COL27A1: variants seen among roughly 807,000 people sequenced by gnomAD.
COL27A1 encodes collagen type XXVII alpha 1 chain, also known as collagen alpha-1(XXVII) chain.
In COL27A1, 106 loss-of-function variants were observed where a neutral mutation model predicts 251.3. The observed-to-expected ratio is 0.42, with a 90% CI of 0.36 to 0.50. The LOEUF (loss-of-function observed/expected upper bound fraction) is 0.50, where lower values mean the gene tolerates loss of function less well. COL27A1 is among the 20% of genes least tolerant of loss of function. The probability of loss-of-function intolerance (pLI) is 0.00; values close to 1 mark genes in which losing one functional copy is unlikely to be tolerated. For synonymous variants in COL27A1, 1,000 were observed against 986.3 expected, an observed-to-expected ratio of 1.01 and a Z score of -0.26; for missense variants, 2,325 against 2,522.8, an observed-to-expected ratio of 0.92 and a Z score of 1.68.
chr9:114,278,892 G>A (rs142362641), intron 37 of COL27A1, among the ~76,000 whole-genome samples: 2 of 152,098 alleles, frequency 1.3e-5, no homozygotes, highest in African/African-American at 2.4e-5. Context: ...ATGAGCCATC[G>A]GGGCCTTTCC....
At chr9:114,304,923 G>A (rs934523904) in intron 57 of COL27A1, among the ~76,000 whole-genome samples, 4 of 152,204 alleles carry the variant, frequency 2.6e-5, no homozygotes, top group Admixed American at 6.5e-5. Context: ...AGCTTTCTCC[G>A]GAGGCCTCTC....
chr9:114,217,015 T>A (rs1216679303), intron 12 of COL27A1, among the ~76,000 whole-genome samples: 1 of 152,204 alleles, frequency 6.6e-6, no homozygotes, highest in Non-Finnish European at 1.5e-5. Context: ...CAGGGCTGTG[T>A]GACTTTGGAA....
At chr9:114,302,060 G>T (rs373982721) in intron 55 of COL27A1, 22 bp from the exon 56 acceptor site, 5 of 1,609,206 alleles carry the variant, frequency 3.1e-6, no homozygotes. Context: ...TCATTTGACT[G>T]ACCCGCAGTC....
intron 1 of COL27A1, among the ~76,000 whole-genome samples, chr9:114,156,902 T>A (rs1848156832): frequency 6.6e-6 from 1 of 152,042 alleles, no homozygotes; most frequent in Non-Finnish European, 1.5e-5. Flanking sequence ...GGCGCTCCTC[T>A]CTTTCCATCC....
chr9:114,270,710 C>T lies in COL27A1; in HGVS notation c.3556-18C>T. 6.2e-7 allele frequency: 1 copy of T among 1,602,912 alleles called. No individual in the cohort carries two copies. Among genetic ancestry groups the T allele is most frequent in the Non-Finnish European group, 8.5e-7 (1 of 1,171,304 alleles). On this transcript the variant is annotated intron_variant, in intron 35 of 60. Transcript: ENST00000356083. The stretch of plus-strand genomic sequence containing the variant: ...TCCCCAGTAACATCTCCTCCTCTTT[C>T]TCCATCACCTTTTCCAGGGAGAGCC...
At chr9:114,174,097 C>T (rs1386430627) in intron 3 of COL27A1, among the ~76,000 whole-genome samples, 1 of 152,060 alleles carries the variant, frequency 6.6e-6, no homozygotes, top group African/African-American at 2.4e-5. Context: ...CCTGCCTCAG[C>T]CTCCTAAGTA....
intron 28 of COL27A1, among the ~76,000 whole-genome samples, chr9:114,263,703 G>A (rs1022134423): frequency 6.6e-6 from 1 of 152,128 alleles, no homozygotes. Context: ...AGCAATCAGG[G>A]ACCAAGACTC....
chr9:114,265,297 C>T (rs1474405857), intron 31 of COL27A1, 125 bp from the exon 32 acceptor site: 2 of 1,152,108 alleles, frequency 1.7e-6, no homozygotes, highest in Non-Finnish European at 2.5e-6. Flanking sequence ...TGGGTCTCAG[C>T]CTTCCCATCT....
At chr9:114,265,327 G>A (rs758590963) in intron 31 of COL27A1, 95 bp from the exon 32 acceptor site, 668 of 1,334,368 alleles carry the variant, frequency 5.0e-4, no homozygotes, top group Non-Finnish European at 6.5e-4. Context: ...TGTGGGAGGA[G>A]GGGACCCAAA....
At position 114,258,525 on chromosome 9, in the gene COL27A1, T is replaced by C. The variant is rs372385762; in HGVS notation, c.3142-16T>C. On this transcript the variant is annotated splice_polypyrimidine_tract_variant and intron_variant, in intron 27 of 60. Coordinates refer to ENST00000356083, the MANE Select transcript of COL27A1 (RefSeq NM_032888.4). ...CCTAAAAAGGGGCCTCTCCAAACTCTTTCTCCTCTTCCCAGGGTCCTCCAG... is the reference window on the plus strand; with the variant it reads ...CCTAAAAAGGGGCCTCTCCAAACTCCTTCTCCTCTTCCCAGGGTCCTCCAG... 1.7e-4 allele frequency: 269 copies of C among 1,612,200 alleles called. 2 individuals are homozygous for C. In the African/African-American group the frequency reaches 3.1e-3, roughly 18 times the overall value.
chr9:114,169,353 T>C lies in COL27A1; in HGVS notation c.1798T>C (p.Ser600Pro), dbSNP rs1356071898. 1.2e-6 allele frequency: 2 copies of C among 1,611,894 alleles called. No individual in the cohort carries two copies. Among genetic ancestry groups the C allele is most frequent in the African/African-American group, 2.7e-5 (2 of 74,800 alleles). Residue 600 changes from serine to proline, a missense_variant, in exon 3 of 61, where the codon TCC becomes CCC. Around this residue, in one of 4 missense-constraint regions of COL27A1, gnomAD observed 1,183 missense variants for 1,144.1 expected, o/e 1.03. Transcript: ENST00000356083. Reference protein sequence around the residue: ...LVLAPAQFLSSSPRPTSSGYS... With the variant: ...LVLAPAQFLSPSPRPTSSGYS... ...ATTGGCCCCGGCGCAATTCCTGTCC[T>C]CCAGCCCCCGGCCCACGAGCAGTGG... is the stretch of plus-strand genomic sequence containing the variant.
At chr9:114,303,242 C>CT (rs71367759) in intron 56 of COL27A1, among the ~76,000 whole-genome samples, 22,993 of 132,002 alleles carry the variant, frequency 0.17, 2,086 homozygotes, top group Middle Eastern at 0.24. Context: ...TTTTTCTTTT[C>CT]TTTTTTTTTT....
At chr9:114,154,662 G>A (rs1236850674), upstream of COL27A1, among the ~76,000 whole-genome samples, 1 of 151,616 alleles carries the variant, frequency 6.6e-6, no homozygotes, top group Non-Finnish European at 1.5e-5. This position sits in a 1 kb window ranked among gnomAD's most constrained non-coding sequence, Gnocchi z 5.8. Context: ...GCGTGCGCCT[G>A]AGCCCAGATA....
At chr9:114,158,168 A>T (rs187382292) in intron 1 of COL27A1, among the ~76,000 whole-genome samples, 1 of 152,270 alleles carries the variant, frequency 6.6e-6, no homozygotes, top group Admixed American at 6.5e-5. Context: ...AGTTCCAGCT[A>T]GCTCCCTTTT....
intron 24 of COL27A1, among the ~76,000 whole-genome samples, chr9:114,249,068 A>G (rs1351838305): frequency 1.3e-5 from 2 of 152,152 alleles, no homozygotes; most frequent in African/African-American, 4.8e-5. Context: ...AGGTACCTTT[A>G]TTGTCTCCCA....
In COL27A1 at chr9:114,306,546, GCT is replaced by G. The variant is rs763945911; in HGVS notation, c.4966_4967del (p.Leu1656GlyfsTer8). 3 of 1,613,994 alleles carry G rather than the reference GCT, an allele frequency of 1.9e-6. No homozygotes were observed. On this transcript the variant is annotated frameshift_variant, in exon 58 of 61. Transcript: ENST00000356083. LOFTEE classifies it high-confidence loss of function. ...GTTACAGCTATCCAGACCGGCTGGTGCTGGACCAGGGAGGAGAGATCTTTAAA... is the reference window on the plus strand; with the variant it reads ...GTTACAGCTATCCAGACCGGCTGGTGGGACCAGGGAGGAGAGATCTTTAAA... ...ESYSYPDRLV[L>X]DQGGEIFKTL...
rs200144488 is a variant in COL27A1 at position 114,169,456 on chromosome 9, G to A, written c.1901G>A (p.Gly634Asp). The change falls in exon 3 of 61, where the codon GGC becomes GAC. Residue 634 changes from glycine to aspartate, a missense_variant. Gly to Asp is a moderately conservative substitution (Grantham distance 94). Coordinates refer to ENST00000356083, the MANE Select transcript of COL27A1 (RefSeq NM_032888.4). ...CCTCCGGGACCCAAGGGAGACTGTG[G>A]CTTGCCGGTAAGACTGAGTGGGGTC... ...MGPPGPKGDC[G>D]LPGPPGLPGL... The A allele has an allele frequency of 2.6e-6, 4 of 1,534,406 alleles. No homozygotes were observed. The African/African-American group carries it at 4.1e-5, about 16-fold the overall frequency.
intron 5 of COL27A1, among the ~76,000 whole-genome samples, chr9:114,192,859 G>C (rs899745658): frequency 6.6e-6 from 1 of 152,200 alleles, no homozygotes; most frequent in Non-Finnish European, 1.5e-5. Flanking sequence ...GAGGGTGACC[G>C]AGTCAGGATT....
chr9:114,243,959 C>G (rs975092096), intron 23 of COL27A1, among the ~76,000 whole-genome samples: 10 of 147,602 alleles, frequency 6.8e-5, no homozygotes, highest in Admixed American at 5.4e-4. Context: ...TGGAGTCTCC[C>G]TCTGTTGCCA....
Sources: allele counts gnomAD v4.1 joint callset (sites outside exome capture counted in the v4.1 genomes callset), GRCh38; gene constraint gnomAD v4.1.1; regional missense constraint gnomAD v4.1.1; non-coding constraint Gnocchi (gnomAD v3.1); transcripts MANE v1.5; gene names NCBI Gene and HGNC (gene_info 2026-07-23, HGNC 2026-07-21).